CAMTA1: variants seen among roughly 807,000 people sequenced by gnomAD.
The protein encoded by CAMTA1 is calmodulin binding transcription activator 1.
CAMTA1 carries 27 observed loss-of-function variants against 170.9 expected under a neutral mutation model. That is an observed-to-expected ratio of 0.16 (90% CI 0.12 to 0.22). The LOEUF (loss-of-function observed/expected upper bound fraction) is 0.22. Ranked by LOEUF, CAMTA1 falls within the 10% of genes least tolerant of loss-of-function variation. The pLI, the probability that CAMTA1 is intolerant of heterozygous loss-of-function variation, is 1.00. For missense variants in CAMTA1, 1,619 were observed against 2,217.2 expected, an observed-to-expected ratio of 0.73 and a Z score of 5.42; for synonymous variants, 833 against 891.5, an observed-to-expected ratio of 0.93 and a Z score of 1.17.
rs1470879536 is a variant in CAMTA1, at chr1:7,532,140, AC to A, written c.510+64242del. On this transcript the variant is annotated intron_variant, in intron 6 of 22. Transcript: ENST00000303635. This position sits in a 1 kb window ranked among gnomAD's most constrained non-coding sequence, Gnocchi z 4.2. ...GCGGTACCTGGAGGCTCCCGGGCCC[AC>A]CCGAGCCCTAAGCTGCAGCCCTTGG... Among the ~76,000 whole-genome samples the A allele has an allele frequency of 6.6e-6, 1 of 151,990 alleles. No homozygotes were observed. Among genetic ancestry groups the A allele is most frequent in the African/African-American group, 2.4e-5 (1 of 41,372 alleles).
chr1:7,526,952 T>C (rs2094438690), intron 6 of CAMTA1, among the ~76,000 whole-genome samples: 2 of 152,166 alleles, frequency 1.3e-5, no homozygotes, highest in Non-Finnish European at 2.9e-5. Context: ...GGCCTGTGTT[T>C]CCAAGAAAGC....
intron 3 of CAMTA1, among the ~76,000 whole-genome samples, chr1:6,928,510 A>G (rs1571801420): frequency 1.3e-5 from 2 of 151,444 alleles, no homozygotes; most frequent in Non-Finnish European, 2.9e-5. Context: ...CCTCCCCTTT[A>G]CCTTTATTCC....
chr1:7,405,993 G>A (rs2090257674), intron 5 of CAMTA1, among the ~76,000 whole-genome samples: 1 of 152,194 alleles, frequency 6.6e-6, no homozygotes, highest in Admixed American at 6.5e-5. Context: ...CCCCCTGCTC[G>A]GGCCCCGGCA....
intron 6 of CAMTA1, among the ~76,000 whole-genome samples, chr1:7,489,931 C>T (rs1040632965): frequency 6.6e-6 from 1 of 152,188 alleles, no homozygotes; most frequent in African/African-American, 2.4e-5. Flanking sequence ...GGCTGCTCAG[C>T]AGATGGGGTG....
chr1:6,896,622 G>A (rs1406654962), intron 3 of CAMTA1, among the ~76,000 whole-genome samples: 3 of 152,132 alleles, frequency 2.0e-5, no homozygotes, highest in Admixed American at 6.5e-5. Context: ...CATGGTAATG[G>A]CTACTGATAC....
At chr1:7,600,490 TC>T (rs1240663628) in intron 6 of CAMTA1, among the ~76,000 whole-genome samples, 2 of 131,738 alleles carry the variant, frequency 1.5e-5, no homozygotes, top group Non-Finnish European at 3.3e-5. Context: ...TTTTTCTTTT[TC>T]TTTTTTTTTT....
Position 7,766,026 on chromosome 1 carries a change from C to CAA in CAMTA1, c.4990-415_4990-414dup, listed in dbSNP as rs59692886. Among the ~76,000 whole-genome samples, 314 of 71,304 alleles carry CAA rather than the reference C, an allele frequency of 4.4e-3. 2 individuals are homozygous for CAA. Among genetic ancestry groups the CAA allele is most frequent in the African/African-American group, 0.015 (211 of 14,332 alleles). 46.8% of individuals were successfully genotyped at this position (71,304 alleles called of 152,430 possible). A position where few individuals can be genotyped will look rare whatever the true frequency, so the allele number is the denominator to read the frequency against. On this transcript the variant is annotated intron_variant, in intron 22 of 22. Transcript: ENST00000303635. Reference sequence around the variant, plus strand: ...TGGGTAACACAGCGAGATTCTGTCTCAAAAAAAAAAAAAAAAAAACTAAAT... The same window carrying CAA: ...TGGGTAACACAGCGAGATTCTGTCTCAAAAAAAAAAAAAAAAAAAAACTAAAT...
chr1:6,981,758 T>TCTTG (rs1402426484), intron 3 of CAMTA1, among the ~76,000 whole-genome samples: 1 of 151,996 alleles, frequency 6.6e-6, no homozygotes, highest in Non-Finnish European at 1.5e-5. Context: ...TGAGACAGAA[T>TCTTG]CTTGCTCTGT....
intron 4 of CAMTA1, among the ~76,000 whole-genome samples, chr1:7,138,146 C>A (rs1054606754): frequency 1.3e-5 from 2 of 151,966 alleles, no homozygotes; most frequent in Non-Finnish European, 2.9e-5. Flanking sequence ...CCACCACGCC[C>A]AGCTAATTTT....
At position 7,091,410 on chromosome 1, in the gene CAMTA1, A is replaced by G. The variant is rs775564254; in HGVS notation, c.302+39A>G. 1.4e-5 allele frequency: 20 copies of G among 1,464,212 alleles called. No homozygotes were observed. The Admixed American group carries it at 3.4e-4, about 25-fold the overall frequency. The allele number at this position is 1,464,212 out of a possible 1,614,324, so 90.7% of individuals were successfully genotyped here. On this transcript the variant is annotated intron_variant, in intron 4 of 22. Coordinates refer to ENST00000303635, the MANE Select transcript of CAMTA1 (RefSeq NM_015215.4). Reference sequence around the variant, plus strand: ...TCTTGCAGTTTTTCAAATGTGTACCATAAGTGGATTGATTTGCATTGATTA... The same window carrying G: ...TCTTGCAGTTTTTCAAATGTGTACCGTAAGTGGATTGATTTGCATTGATTA...
At chr1:6,870,174 T>C (rs1207048560) in intron 3 of CAMTA1, among the ~76,000 whole-genome samples, 2 of 152,184 alleles carry the variant, frequency 1.3e-5, no homozygotes, top group African/African-American at 2.4e-5. Context: ...ATGGTCTAAA[T>C]AATGATGCTA....
chr1:6,887,683 A>G lies in CAMTA1; in HGVS notation c.234+62473A>G, dbSNP rs1673614446. 6 of 1,535,360 alleles carry G rather than the reference A, an allele frequency of 3.9e-6. No individual in the cohort carries two copies. Among genetic ancestry groups the G allele is most frequent in the Non-Finnish European group, 5.2e-6 (6 of 1,146,646 alleles). On this transcript the variant is annotated intron_variant, in intron 3 of 22. Coordinates refer to ENST00000303635, the MANE Select transcript of CAMTA1 (RefSeq NM_015215.4). This position sits in a 1 kb window ranked among gnomAD's most constrained non-coding sequence, Gnocchi z 4.1. The stretch of plus-strand genomic sequence containing the variant: ...TCACCACACACTTGTTCATGGGCGC[A>G]GCAAAGAAGAGGGATCCACAGAGCT...
chr1:7,296,172 A>G (rs1293198940), intron 5 of CAMTA1, among the ~76,000 whole-genome samples: 1 of 152,240 alleles, frequency 6.6e-6, no homozygotes, highest in Non-Finnish European at 1.5e-5. Flanking sequence ...GAGAAGAGCC[A>G]GAGAGAGTGA....
At chr1:7,196,510 G>A (rs914115010) in intron 4 of CAMTA1, among the ~76,000 whole-genome samples, 7 of 152,304 alleles carry the variant, frequency 4.6e-5, no homozygotes, top group East Asian at 1.9e-4. Context: ...GGAGCACAGC[G>A]TGGCTGGAGG....
chr1:7,604,033 A>G (rs1214690578), intron 6 of CAMTA1, among the ~76,000 whole-genome samples: 2 of 152,134 alleles, frequency 1.3e-5, no homozygotes, highest in African/African-American at 4.8e-5. Flanking sequence ...TGGCTTGTAG[A>G]GTTTCTGCTG....
intron 3 of CAMTA1, among the ~76,000 whole-genome samples, chr1:6,933,855 G>C (rs983003728): frequency 6.6e-6 from 1 of 152,130 alleles, no homozygotes; most frequent in African/African-American, 2.4e-5. Context: ...ATACCCCACT[G>C]TCTTGACTAG....
intron 5 of CAMTA1, among the ~76,000 whole-genome samples, chr1:7,346,511 A>G (rs1023678243): frequency 6.6e-6 from 1 of 152,228 alleles, no homozygotes; most frequent in African/African-American, 2.4e-5. Context: ...TTTAAAGATC[A>G]TAATACACCT....
intron 3 of CAMTA1, among the ~76,000 whole-genome samples, chr1:6,836,546 A>G (rs1653183880): frequency 6.6e-6 from 1 of 152,098 alleles, no homozygotes; most frequent in African/African-American, 2.4e-5. Context: ...AGCTCTGGGG[A>G]ATTGGACAAG....
chr1:7,252,213 A>C (rs888967098), intron 5 of CAMTA1, among the ~76,000 whole-genome samples: 4 of 152,242 alleles, frequency 2.6e-5, no homozygotes, highest in African/African-American at 9.6e-5. Flanking sequence ...GCATAATTAC[A>C]TGCCCACCAG....
Sources: allele counts gnomAD v4.1 joint callset (sites outside exome capture counted in the v4.1 genomes callset), GRCh38; gene constraint gnomAD v4.1.1; non-coding constraint Gnocchi (gnomAD v3.1); transcripts MANE v1.5; gene names NCBI Gene and HGNC (gene_info 2026-07-23, HGNC 2026-07-21).